NUP205: variants seen among roughly 807,000 people sequenced by gnomAD.
The protein encoded by NUP205 is nucleoporin 205, also known as nuclear pore complex protein Nup205.
NUP205 carries 76 observed loss-of-function variants against 253.8 expected under a neutral mutation model. The ratio of observed to expected loss-of-function variants is 0.30; its 90% confidence interval spans 0.25 to 0.36. NUP205 has a LOEUF of 0.36. Among genes scored for constraint, NUP205 ranks in the 10% least tolerant of loss-of-function variants. The probability of loss-of-function intolerance (pLI) is 1.00; values close to 1 mark genes in which losing one functional copy is unlikely to be tolerated. For synonymous variants in NUP205, 832 were observed against 850.1 expected (o/e 0.98, Z 0.37); for missense variants, 2,162 against 2,425.5 (o/e 0.89, Z 2.28).
chr7:135,570,677 AT>A (rs1246797460), intron 1 of NUP205, among the ~76,000 whole-genome samples: 19 of 107,518 alleles, frequency 1.8e-4, no homozygotes, highest in Middle Eastern at 4.0e-3. Flanking sequence ...TAATTAATAT[AT>A]ATTAATTATA....
At chr7:135,558,046 G>A (rs1022022439) in intron 1 of NUP205, 74 bp downstream of exon 1, 9 of 1,289,738 alleles carry the variant, frequency 7.0e-6, no homozygotes, top group Admixed American at 6.7e-5. Context: ...AGACCGTGAG[G>A]TTTCTCGGAG....
intron 39 of NUP205, 21 bp downstream of exon 39, chr7:135,643,379 T>TG (rs1195959008): frequency 6.2e-7 from 1 of 1,603,716 alleles, no homozygotes; most frequent in African/African-American, 1.3e-5. Context: ...TATAATGAGC[T>TG]GGGGGGACTT....
intron 13 of NUP205, among the ~76,000 whole-genome samples, chr7:135,595,288 AT>A (rs1355314753): frequency 1.3e-5 from 2 of 151,338 alleles, no homozygotes; most frequent in Non-Finnish European, 2.9e-5. Context: ...CAGTTGTGTG[AT>A]CTCAGCTCAC....
At chr7:135,594,127 G>T (rs903314725) in intron 12 of NUP205, among the ~76,000 whole-genome samples, 2 of 152,018 alleles carry the variant, frequency 1.3e-5, no homozygotes, top group Admixed American at 1.3e-4. Flanking sequence ...TGAAAAAAAT[G>T]TTGTGATACT....
At position 135,578,682 on chromosome 7, in the gene NUP205, T is replaced by C. The variant is rs953145698; in HGVS notation, c.878-69T>C. The C allele has an allele frequency of 4.3e-6, 5 of 1,156,424 alleles. No individual in the cohort carries two copies. In the African/African-American group the frequency reaches 7.7e-5, roughly 18 times the overall value. 71.6% of individuals were successfully genotyped at this position (1,156,424 alleles called of 1,614,324 possible). On this transcript the variant is annotated intron_variant, in intron 6 of 42. Coordinates refer to ENST00000285968, the MANE Select transcript of NUP205 (RefSeq NM_015135.3). ...GCTCAGATTTTCTGACTTTTGGATA[T>C]TATTCCTGTGTATCAGAAGTGAGAA...
chr7:135,561,563 T>G (rs893801493), intron 1 of NUP205, among the ~76,000 whole-genome samples: 1 of 152,148 alleles, frequency 6.6e-6, no homozygotes, highest in South Asian at 2.1e-4. Flanking sequence ...TTCAAATCTT[T>G]AACCTGCAAC....
At position 135,638,000 on chromosome 7, in the gene NUP205, G is replaced by A. The variant is rs1794845582; in HGVS notation, c.5206G>A (p.Asp1736Asn). The A allele has an allele frequency of 1.2e-5, 20 of 1,613,988 alleles. No homozygotes were observed. Among genetic ancestry groups the A allele is most frequent in the Non-Finnish European group, 1.5e-5 (18 of 1,179,962 alleles). The change falls in exon 37 of 43, where the codon GAT (aspartate) becomes AAT (asparagine). Residue 1736 changes from aspartate (D) to asparagine (N), a missense_variant. By Grantham distance (23) the Asp-to-Asn change is conservative. This residue lies in a region of NUP205 where 1,144 missense variants were observed against 1,280.9 expected (regional missense o/e 0.89). Coordinates refer to ENST00000285968, the MANE Select transcript of NUP205 (RefSeq NM_015135.3). ...ACTGCGTCAGTTTAAATTTCAAGAC[G>A]ATAATGTGGAGGGAGATAAAGTAAG... ...DRLRQFKFQD[D>N]NVEGDKVSKK...
rs770199341 is a variant in NUP205 at position 135,648,399 on chromosome 7, G to A, written c.5887-5G>A. 7.1e-6 allele frequency: 11 copies of A among 1,559,512 alleles called. No homozygotes were observed. The highest frequency in any genetic ancestry group is 4.8e-5 in the East Asian group (2 of 41,642). ...TTAACAAAATGTCTTTTGTGTCACC[G>A]CTAGCTTCAGGCTGATGCAATCAAC... On this transcript the variant is annotated splice_region_variant and splice_polypyrimidine_tract_variant and intron_variant, in intron 42 of 42. Coordinates refer to ENST00000285968, the MANE Select transcript of NUP205 (RefSeq NM_015135.3).
chr7:135,637,861 G>C lies in NUP205; in HGVS notation c.5137-70G>C, dbSNP rs886968839. On this transcript the variant is annotated intron_variant, in intron 36 of 42. Coordinates refer to ENST00000285968, the MANE Select transcript of NUP205 (RefSeq NM_015135.3). The stretch of plus-strand genomic sequence containing the variant: ...TTCCATTCTCCACTGAGTTTTTCTT[G>C]TTTCTATCCCTCAAGAAAGAGAGGT... The C allele has an allele frequency of 1.7e-5, 24 of 1,442,324 alleles. 1 individual carries two copies. The African/African-American group carries it at 3.3e-4, about 20-fold the overall frequency. The allele number at this position is 1,442,324 out of a possible 1,614,324, so 89.3% of individuals were successfully genotyped here. A position where few individuals can be genotyped will look rare whatever the true frequency, so the allele number is the denominator to read the frequency against.
chr7:135,567,289 A>G (rs1384868609), intron 1 of NUP205, among the ~76,000 whole-genome samples: 2 of 145,460 alleles, frequency 1.4e-5, no homozygotes, highest in African/African-American at 5.1e-5. Flanking sequence ...CCTTTAAAAA[A>G]TTTTTTTTTC....
intron 38 of NUP205, 48 bp from the exon 39 acceptor site, chr7:135,643,144 T>C: frequency 6.5e-7 from 1 of 1,546,106 alleles, no homozygotes; most frequent in Non-Finnish European, 8.8e-7. Context: ...GAAATTCATA[T>C]GAAATGCTTA....
In NUP205 at chr7:135,576,433, AT is replaced by A; in HGVS notation, c.488+22del. On this transcript the variant is annotated intron_variant, in intron 4 of 42. Transcript: ENST00000285968. ...AACTCAGGTCTTTTTACTTCTTGGGATTTCAGGGGTTAATTTGAAATTACTT... is the reference window on the plus strand; with the variant it reads ...AACTCAGGTCTTTTTACTTCTTGGGATTCAGGGGTTAATTTGAAATTACTT... The A allele has an allele frequency of 6.3e-7, 1 of 1,596,262 alleles. No homozygotes were observed. Among genetic ancestry groups the A allele is most frequent in the Non-Finnish European group, 8.5e-7 (1 of 1,171,790 alleles).
At chr7:135,613,089 A>G (rs1400368050) in intron 22 of NUP205, among the ~76,000 whole-genome samples, 6 of 152,030 alleles carry the variant, frequency 3.9e-5, no homozygotes, top group African/African-American at 1.4e-4. Context: ...CTGACTCAAA[A>G]AAAAAAAAAA....
intron 2 of NUP205, 84 bp from the exon 3 acceptor site, chr7:135,573,570 C>A: frequency 3.2e-6 from 3 of 929,752 alleles, no homozygotes; most frequent in East Asian, 2.6e-5. Flanking sequence ...GCTGAATTAT[C>A]ATGAATAAGC....
At chr7:135,573,170 T>C (rs1330716508) in intron 2 of NUP205, among the ~76,000 whole-genome samples, 1 of 152,126 alleles carries the variant, frequency 6.6e-6, no homozygotes, top group Non-Finnish European at 1.5e-5. Context: ...TTTAGATGTA[T>C]GATCTATCAG....
chr7:135,614,288 TC>T lies in NUP205; in HGVS notation c.3310+18del, dbSNP rs746869420. 2.6e-5 allele frequency: 33 copies of T among 1,284,368 alleles called. No individual in the cohort carries two copies. The highest frequency in any genetic ancestry group is 1.8e-4 in the Middle Eastern group (1 of 5,476). 79.6% of individuals were successfully genotyped at this position (1,284,368 alleles called of 1,614,324 possible). A position where few individuals can be genotyped will look rare whatever the true frequency, so the allele number is the denominator to read the frequency against. Reference sequence around the variant, plus strand: ...TTCTAACAAAGGTAGGCCATTATTTTCCCGTATTTATAAGAACACATTTATA... The same window carrying T: ...TTCTAACAAAGGTAGGCCATTATTTTCCGTATTTATAAGAACACATTTATA... On this transcript the variant is annotated intron_variant, in intron 23 of 42. Coordinates refer to ENST00000285968, the MANE Select transcript of NUP205 (RefSeq NM_015135.3).
rs1806067487 is a variant in NUP205 at position 135,573,733 on chromosome 7, G to A, written c.251G>A (p.Arg84Gln). Residue 84 changes from arginine to glutamine, a missense_variant, in exon 3 of 43, where the codon CGA becomes CAA. Physicochemically the swap from Arg to Gln is conservative, Grantham distance 43. Coordinates refer to ENST00000285968, the MANE Select transcript of NUP205 (RefSeq NM_015135.3). Reference protein sequence around the residue: ...GVAIQGQQGTRLLPEQLIKEA... With the variant: ...GVAIQGQQGTQLLPEQLIKEA... Reference sequence around the variant, plus strand: ...GCCATTCAGGGTCAACAGGGAACTCGACTTCTTCCTGAACAGCTCATTAAA... The same window carrying A: ...GCCATTCAGGGTCAACAGGGAACTCAACTTCTTCCTGAACAGCTCATTAAA... 6.2e-7 allele frequency: 1 copy of A among 1,613,904 alleles called. No homozygotes were observed. The highest frequency in any genetic ancestry group is 8.5e-7 in the Non-Finnish European group (1 of 1,179,836).
intron 39 of NUP205, among the ~76,000 whole-genome samples, chr7:135,644,011 T>C (rs1338214296): frequency 6.6e-6 from 1 of 152,210 alleles, no homozygotes; most frequent in East Asian, 1.9e-4. Flanking sequence ...TCCATGTTAC[T>C]CTTATGAGTA....
At chr7:135,643,873 G>T (rs538565938) in intron 39 of NUP205, among the ~76,000 whole-genome samples, 1 of 152,236 alleles carries the variant, frequency 6.6e-6, no homozygotes, top group Non-Finnish European at 1.5e-5. Flanking sequence ...TTTCCATTTG[G>T]CACAGCTGAA....
Sources: allele counts gnomAD v4.1 joint callset (sites outside exome capture counted in the v4.1 genomes callset), GRCh38; gene constraint gnomAD v4.1.1; regional missense constraint gnomAD v4.1.1; transcripts MANE v1.5; gene names NCBI Gene and HGNC (gene_info 2026-07-23, HGNC 2026-07-21).